Variants in ARHGAP29 observed in about 807,000 individuals in gnomAD.
ARHGAP29 encodes the protein rho GTPase-activating protein 29.
ARHGAP29 carries 43 observed loss-of-function variants against 122.6 expected under a neutral mutation model. That is an observed-to-expected ratio of 0.35 (90% CI 0.27 to 0.45). ARHGAP29 has a LOEUF of 0.45. Ranked by LOEUF, ARHGAP29 falls within the 20% of genes least tolerant of loss-of-function variation. The pLI, the probability that ARHGAP29 is intolerant of heterozygous loss-of-function variation, is 1.00. For synonymous variants in ARHGAP29, 506 were observed against 497.1 expected (o/e 1.02, Z -0.24); for missense variants, 1,303 against 1,477.2 (o/e 0.88, Z 1.93).
At chr1:94,220,472 TTTCAAGTAGAAGC>T in intron 2 of ARHGAP29, 80 bp from the exon 3 acceptor site, 1 of 1,282,804 alleles carries the variant, frequency 7.8e-7, no homozygotes. Context: ...CTGAAGCACA[TTTCAAGTAGAAGC>T]ATTGGTTACA....
At chr1:94,195,346 T>C (rs1036196625) in intron 12 of ARHGAP29, 2 of 152,208 alleles carry the variant, frequency 1.3e-5, no homozygotes, top group Non-Finnish European at 2.9e-5. Flanking sequence ...TTTATGACAG[T>C]GGTGCCAGGG....
the ARHGAP29 span, among the ~76,000 whole-genome samples, chr1:94,312,834 C>T: frequency 1.3e-5 from 2 of 152,174 alleles, no homozygotes; most frequent in African/African-American, 2.4e-5. Context: ...TCTCAATCTC[C>T]TTTGCTGGGT....
chr1:94,282,186 TA>T, the ARHGAP29 span, among the ~76,000 whole-genome samples: 14 of 151,202 alleles, frequency 9.3e-5, no homozygotes, highest in African/African-American at 1.2e-4. Flanking sequence ...TTGTCTTTTT[TA>T]AAAAAAAAGT....
At chr1:94,247,703 A>ACACCACCACCACCACCACCACCAC (rs568949677) in intron 1 of ARHGAP29, among the ~76,000 whole-genome samples, 6 of 151,030 alleles carry the variant, frequency 4.0e-5, no homozygotes, top group African/African-American at 1.5e-4. Flanking sequence ...GCAGCCACAG[A>ACACCACCACCACCACCACCACCAC]CACCACCACC....
At chr1:94,230,544 T>C (rs991350739) in intron 2 of ARHGAP29, among the ~76,000 whole-genome samples, 1 of 151,800 alleles carries the variant, frequency 6.6e-6, no homozygotes, top group Non-Finnish European at 1.5e-5. Context: ...TTTTGGTTTT[T>C]CAAAATGTCC....
chr1:94,261,488 A>G (rs1305750890), intron 1 of ARHGAP29, among the ~76,000 whole-genome samples: 2 of 152,194 alleles, frequency 1.3e-5, no homozygotes, highest in African/African-American at 4.8e-5. Context: ...TCTTGAAATG[A>G]TCCTATGCCT....
At chr1:94,292,272 G>A in the ARHGAP29 span, among the ~76,000 whole-genome samples, 3 of 152,056 alleles carry the variant, frequency 2.0e-5, no homozygotes, top group African/African-American at 7.3e-5. Context: ...TATGCTTCAC[G>A]AAGTTCTCGT....
chr1:94,312,547 T>C, the ARHGAP29 span, among the ~76,000 whole-genome samples: 1 of 151,694 alleles, frequency 6.6e-6, no homozygotes, highest in Non-Finnish European at 1.5e-5. Context: ...TTCTCCTGCC[T>C]CAGCCTCTCA....
chr1:94,286,767 G>A, the ARHGAP29 span, among the ~76,000 whole-genome samples: 11 of 152,198 alleles, frequency 7.2e-5, no homozygotes, highest in African/African-American at 2.4e-4. Flanking sequence ...GGTCTTTGGT[G>A]ATCAAATGAC....
chr1:94,302,531 G>A, the ARHGAP29 span: 12 of 319,280 alleles, frequency 3.8e-5, no homozygotes, highest in South Asian at 3.1e-4. Flanking sequence ...GCATCATGAA[G>A]CGACTCAGCA....
intron 2 of ARHGAP29, 88 bp from the exon 3 acceptor site, chr1:94,220,480 A>G (rs1652232300): frequency 8.2e-7 from 1 of 1,220,460 alleles, no homozygotes; most frequent in African/African-American, 1.5e-5. Flanking sequence ...CATTTCAAGT[A>G]GAAGCATTGG....
chr1:94,226,890 A>G (rs1306031672), intron 2 of ARHGAP29, among the ~76,000 whole-genome samples: 1 of 151,976 alleles, frequency 6.6e-6, no homozygotes, highest in Non-Finnish European at 1.5e-5. Flanking sequence ...TGAGGCTAGC[A>G]GCTTAATGTT....
At chr1:94,238,606 G>C (rs1653448433), upstream of ARHGAP29, among the ~76,000 whole-genome samples, 2 of 152,042 alleles carry the variant, frequency 1.3e-5, no homozygotes, top group Non-Finnish European at 2.9e-5. Context: ...GGGTCTGCGA[G>C]AAAAATGACC....
intron 2 of ARHGAP29, among the ~76,000 whole-genome samples, chr1:94,228,546 A>G (rs542718647): frequency 3.3e-5 from 5 of 151,786 alleles, no homozygotes; most frequent in Non-Finnish European, 7.4e-5. Context: ...CAATTTAACC[A>G]AACCATATAA....
At chr1:94,242,071 C>T (rs188229152), upstream of ARHGAP29, among the ~76,000 whole-genome samples, 6 of 152,182 alleles carry the variant, frequency 3.9e-5, no homozygotes, top group Non-Finnish European at 8.8e-5. Flanking sequence ...GAAAGAGCTC[C>T]AGAAATTTGC....
At chr1:94,232,231 G>A (rs1288462025) in intron 1 of ARHGAP29, among the ~76,000 whole-genome samples, 3 of 144,890 alleles carry the variant, frequency 2.1e-5, no homozygotes, top group African/African-American at 7.7e-5. Context: ...TTATAAAATG[G>A]GAGTAACATC....
intron 2 of ARHGAP29, 32 bp downstream of exon 2, chr1:94,231,375 C>T: frequency 6.3e-7 from 1 of 1,575,300 alleles, no homozygotes. Flanking sequence ...TACAAACTAT[C>T]CAGCAAGAAT....
chr1:94,293,852 A>G, the ARHGAP29 span, among the ~76,000 whole-genome samples: 5 of 152,120 alleles, frequency 3.3e-5, no homozygotes. Context: ...TTCATTACAT[A>G]GGCATGATTT....
At chr1:94,308,133 A>G in the ARHGAP29 span, among the ~76,000 whole-genome samples, 1 of 152,214 alleles carries the variant, frequency 6.6e-6, no homozygotes, top group East Asian at 1.9e-4. Flanking sequence ...TTGTGCTACA[A>G]TCCTGGGGAG....
Sources: gnomAD v4.1 joint callset for allele counts (sites outside exome capture counted in the v4.1 genomes callset) on GRCh38, gnomAD v4.1.1 for gene constraint, MANE v1.5 for transcripts, NCBI Gene and HGNC (gene_info 2026-07-23, HGNC 2026-07-21) for gene names.